Variants in PRKCH observed in about 807,000 individuals in gnomAD.
The protein encoded by PRKCH is protein kinase C eta type.
Under a neutral mutation model 82.5 loss-of-function variants are expected in PRKCH, and 28 were observed. That is an observed-to-expected ratio of 0.34 (90% CI 0.25 to 0.47). PRKCH has a LOEUF of 0.47. Ranked by LOEUF, PRKCH falls within the 20% of genes least tolerant of loss-of-function variation. The pLI, the probability that PRKCH is intolerant of heterozygous loss-of-function variation, is 1.00. For synonymous variants in PRKCH, 322 were observed against 327.4 expected (o/e 0.98, Z 0.18); for missense variants, 705 against 881.8 (o/e 0.80, Z 2.54).
chr14:61,290,184 C>A (rs564696255), intron 1 of PRKCH, among the ~76,000 whole-genome samples: 6 of 151,458 alleles, frequency 4.0e-5, no homozygotes, highest in African/African-American at 1.5e-4. Flanking sequence ...CCTAGCTACT[C>A]GGAAGGCTGA....
intron 9 of PRKCH, among the ~76,000 whole-genome samples, chr14:61,476,086 C>G (rs1885716256): frequency 6.6e-6 from 1 of 152,212 alleles, no homozygotes; most frequent in Non-Finnish European, 1.5e-5. Context: ...CTTCCACAAA[C>G]TGTTTTAACT....
At chr14:61,509,205 TA>T (rs976779224) in intron 10 of PRKCH, among the ~76,000 whole-genome samples, 6 of 152,294 alleles carry the variant, frequency 3.9e-5, no homozygotes, top group Admixed American at 1.3e-4. Flanking sequence ...AAATTACGCG[TA>T]AATATGTATT....
At chr14:61,385,450 T>C (rs1223594688) in intron 1 of PRKCH, among the ~76,000 whole-genome samples, 7 of 152,182 alleles carry the variant, frequency 4.6e-5, no homozygotes, top group African/African-American at 1.7e-4. Flanking sequence ...AGCAAAGCCT[T>C]ATGGCAGCTA....
intron 1 of PRKCH, among the ~76,000 whole-genome samples, chr14:61,235,945 A>G (rs1361393813): frequency 6.6e-6 from 1 of 152,238 alleles, no homozygotes; most frequent in Non-Finnish European, 1.5e-5. Context: ...AGCTAAGGAT[A>G]TTCCAAAGTT....
chr14:61,470,081 C>T (rs1217534804), intron 9 of PRKCH, among the ~76,000 whole-genome samples: 5 of 151,020 alleles, frequency 3.3e-5, no homozygotes, highest in Admixed American at 6.6e-5. Context: ...GGCTCAGAGC[C>T]GTCATCTGCT....
At chr14:61,291,775 G>C (rs1180299978) in intron 1 of PRKCH, among the ~76,000 whole-genome samples, 2 of 152,114 alleles carry the variant, frequency 1.3e-5, no homozygotes, top group Admixed American at 1.3e-4. Flanking sequence ...ACCTTGAAAC[G>C]CGGTGGTATT....
At chr14:61,284,002 G>A (rs932823522) in intron 1 of PRKCH, among the ~76,000 whole-genome samples, 2 of 152,132 alleles carry the variant, frequency 1.3e-5, no homozygotes, top group African/African-American at 4.8e-5. Context: ...GTATCCTGAG[G>A]GAAAAAGATA....
In PRKCH at chr14:61,364,418, C is replaced by T. The variant is rs895247259; in HGVS notation, c.364-26807C>T. ...TTTACAGTGGCCCAAGTGTGTGTGG[C>T]TCCCCAGCCTGTGTGTCAGAGGCAG... On this transcript the variant is annotated intron_variant, in intron 1 of 13. Transcript: ENST00000332981. 3.9e-5 allele frequency among the ~76,000 whole-genome samples: 6 copies of T among 151,976 alleles called. No individual in the cohort carries two copies. The South Asian group carries it at 8.3e-4, about 21-fold the overall frequency.
intron 1 of PRKCH, among the ~76,000 whole-genome samples, chr14:61,210,790 CTGTG>C (rs1014835104): frequency 6.5e-5 from 9 of 138,984 alleles, no homozygotes; most frequent in South Asian, 4.7e-4. Context: ...CTCTCTCTCT[CTGTG>C]TGTGTGTGTG....
chr14:61,312,139 TATTAA>T (rs2045529985), intron 1 of PRKCH, among the ~76,000 whole-genome samples: 2 of 152,244 alleles, frequency 1.3e-5, no homozygotes, highest in African/African-American at 4.8e-5. Flanking sequence ...AGTGGGATTT[TATTAA>T]ATTAGTACTG....
At chr14:61,251,117 T>C (rs1173346566) in intron 1 of PRKCH, among the ~76,000 whole-genome samples, 1 of 152,198 alleles carries the variant, frequency 6.6e-6, no homozygotes, top group Non-Finnish European at 1.5e-5. Context: ...ATGGAGTACA[T>C]GAGCTACTTT....
intron 1 of PRKCH, among the ~76,000 whole-genome samples, chr14:61,382,656 A>G (rs778192882): frequency 6.6e-6 from 1 of 152,218 alleles, no homozygotes; most frequent in Non-Finnish European, 1.5e-5. Context: ...GAAAAGAGCC[A>G]TCCAGCCAAG....
intron 1 of PRKCH, among the ~76,000 whole-genome samples, chr14:61,362,795 G>A (rs1001943587): frequency 1.4e-4 from 22 of 152,338 alleles, no homozygotes; most frequent in Admixed American, 3.9e-4. Flanking sequence ...AATCCCCAGA[G>A]GTACAAAGAC....
chr14:61,252,116 G>C (rs2044951925), intron 1 of PRKCH, among the ~76,000 whole-genome samples: 2 of 152,200 alleles, frequency 1.3e-5, no homozygotes, highest in Non-Finnish European at 2.9e-5. Context: ...GGGATTACAG[G>C]CATGAGCCAC....
rs576099867 is a variant in PRKCH, at chr14:61,336,499, C to T, written c.363+14035C>T. 8.5e-5 allele frequency among the ~76,000 whole-genome samples: 13 copies of T among 152,232 alleles called. 1 individual carries two copies. The highest frequency in any genetic ancestry group is 8.3e-4 in the South Asian group (4 of 4,834). On this transcript the variant is annotated intron_variant, in intron 1 of 13. Transcript: ENST00000332981. ...CCTTGAAATTAAGTTTGTTGGTTTG[C>T]TTATTCAATATTGGACAGCAGAGGG...
At chr14:61,340,824 T>A (rs532752830) in intron 1 of PRKCH, among the ~76,000 whole-genome samples, 21 of 152,354 alleles carry the variant, frequency 1.4e-4, no homozygotes, top group African/African-American at 4.8e-4. Flanking sequence ...CGGTCAGAAC[T>A]GGTCTTGCCG....
At chr14:61,462,664 G>A (rs1885078134) in intron 9 of PRKCH, among the ~76,000 whole-genome samples, 1 of 152,198 alleles carries the variant, frequency 6.6e-6, no homozygotes, top group Non-Finnish European at 1.5e-5. Flanking sequence ...TTACTTTTTA[G>A]CTGCCCAGTG....
chr14:61,416,033 T>TTTTTC (rs1236415116), intron 2 of PRKCH, among the ~76,000 whole-genome samples: 28 of 143,190 alleles, frequency 2.0e-4, no homozygotes, highest in Non-Finnish European at 2.6e-4. Flanking sequence ...CCTTGCCTCT[T>TTTTTC]TTTTCTTTTC....
chr14:61,371,676 G>A (rs901261746), intron 1 of PRKCH, among the ~76,000 whole-genome samples: 1 of 151,916 alleles, frequency 6.6e-6, no homozygotes, highest in Non-Finnish European at 1.5e-5. Context: ...ACCTATCACT[G>A]TTGATGTGAA....
Sources: allele counts gnomAD v4.1 joint callset (sites outside exome capture counted in the v4.1 genomes callset), GRCh38; gene constraint gnomAD v4.1.1; transcripts MANE v1.5; gene names NCBI Gene and HGNC (gene_info 2026-07-23, HGNC 2026-07-21).